AKR1C4: variants seen among roughly 807,000 people sequenced by gnomAD.
AKR1C4 encodes aldo-keto reductase family 1 member C4.
AKR1C4 carries 44 observed loss-of-function variants against 41.0 expected under a neutral mutation model. That is an observed-to-expected ratio of 1.07 (90% CI 0.84 to 1.38). AKR1C4 has a LOEUF of 1.38. AKR1C4 is among the 40% of genes most tolerant of loss of function. AKR1C4 has a pLI of 0.00. For synonymous variants in AKR1C4, 165 were observed against 137.7 expected (o/e 1.20, Z -1.39); for missense variants, 438 against 387.9 (o/e 1.13, Z -1.09).
intron 5 of AKR1C4, chr10:5,207,374 T>C: frequency 3.3e-6 from 1 of 301,726 alleles, no homozygotes; most frequent in South Asian, 3.4e-5. Context: ...AAAGTCACTT[T>C]TCACTCCTGA....
chr10:5,202,404 A>G, intron 2 of AKR1C4: 1 of 432,824 alleles, frequency 2.3e-6, no homozygotes, highest in Non-Finnish European at 4.6e-6. Flanking sequence ...AGCTTTTTGG[A>G]TGAGGCTTTG....
chr10:5,205,347 C>A (rs1554797361), intron 3 of AKR1C4, among the ~76,000 whole-genome samples: 1 of 152,170 alleles, frequency 6.6e-6, no homozygotes, highest in African/African-American at 2.4e-5. Context: ...AGTTTATGAT[C>A]CTGCTCATGG....
At chr10:5,206,023 A>C (rs1832478692) in intron 4 of AKR1C4, among the ~76,000 whole-genome samples, 189 bp downstream of exon 4, 1 of 152,210 alleles carries the variant, frequency 6.6e-6, no homozygotes. Flanking sequence ...TGAAGGAGAT[A>C]AACTGGGGAC....
chr10:5,214,604 A>AT (rs1554798302), intron 7 of AKR1C4, among the ~76,000 whole-genome samples: 3 of 152,218 alleles, frequency 2.0e-5, no homozygotes, highest in Non-Finnish European at 2.9e-5. Context: ...GTTACATAGC[A>AT]TTCTTTATTA....
rs1361108790 is a variant in AKR1C4, at chr10:5,208,801, G to A, written c.570+2404G>A. ...ATGAAAAAATTTAAAGATACCATAA[G>A]ATATTAAGTACCTGAAATTATACCT... On this transcript the variant is annotated intron_variant, in intron 5 of 8. Coordinates refer to ENST00000263126, the MANE Select transcript of AKR1C4 (RefSeq NM_001818.5). Among the ~76,000 whole-genome samples, 5 of 150,796 alleles carry A rather than the reference G, an allele frequency of 3.3e-5. No homozygotes were observed. In the South Asian group the frequency reaches 6.2e-4, roughly 19 times the overall value.
intron 1 of AKR1C4, among the ~76,000 whole-genome samples, chr10:5,198,358 T>C (rs1485984954): frequency 6.6e-6 from 1 of 152,216 alleles, no homozygotes; most frequent in African/African-American, 2.4e-5. Context: ...GGCTGGTATC[T>C]GAGAAGTTGA....
At chr10:5,207,775 A>T in intron 5 of AKR1C4, 1 of 369,140 alleles carries the variant, frequency 2.7e-6, no homozygotes, top group Non-Finnish European at 5.2e-6. Context: ...ATATATGTAG[A>T]ATAGATTTTC....
chr10:5,215,862 C>G (rs1832648701), intron 7 of AKR1C4, among the ~76,000 whole-genome samples: 1 of 152,140 alleles, frequency 6.6e-6, no homozygotes. Context: ...TCTTCTGAAC[C>G]CTCCTGACAC....
intron 5 of AKR1C4, among the ~76,000 whole-genome samples, chr10:5,210,246 T>G (rs1459391948): frequency 6.6e-6 from 1 of 152,246 alleles, no homozygotes; most frequent in Non-Finnish European, 1.5e-5. Context: ...ACATCCATGC[T>G]GATGTAAGAG....
chr10:5,203,757 T>A (rs1489472378), intron 2 of AKR1C4, among the ~76,000 whole-genome samples: 1 of 152,212 alleles, frequency 6.6e-6, no homozygotes. Flanking sequence ...CTGCCTCCAA[T>A]CCACAATCTT....
intron 7 of AKR1C4, 75 bp from the exon 8 acceptor site, chr10:5,216,636 C>A: frequency 1.9e-6 from 2 of 1,071,500 alleles, no homozygotes; most frequent in Non-Finnish European, 2.8e-6. Flanking sequence ...CTACACCCTA[C>A]TGTGTGATAT....
At chr10:5,210,585 G>C (rs1292884949) in intron 5 of AKR1C4, among the ~76,000 whole-genome samples, 10 of 145,404 alleles carry the variant, frequency 6.9e-5, no homozygotes, top group African/African-American at 2.5e-4. Context: ...CTGAAATCTA[G>C]GTGGAGGTTC....
chr10:5,206,949 G>C (rs180775409), intron 5 of AKR1C4, among the ~76,000 whole-genome samples: 1 of 152,126 alleles, frequency 6.6e-6, no homozygotes, highest in Non-Finnish European at 1.5e-5. Context: ...GTTAGGGAGA[G>C]GAAGTTACCC....
intron 5 of AKR1C4, among the ~76,000 whole-genome samples, chr10:5,211,648 C>T (rs935047537): frequency 6.6e-6 from 1 of 152,214 alleles, no homozygotes; most frequent in African/African-American, 2.4e-5. Flanking sequence ...TTCTCCTGAG[C>T]CCTCCAAACT....
chr10:5,211,371 C>A (rs1395385768), intron 5 of AKR1C4, among the ~76,000 whole-genome samples: 1 of 152,190 alleles, frequency 6.6e-6, no homozygotes, highest in Non-Finnish European at 1.5e-5. Flanking sequence ...CTTTTAACAG[C>A]ACCCAAGTCA....
At chr10:5,202,533 A>C (rs1554797019) in intron 2 of AKR1C4, 1 of 450,314 alleles carries the variant, frequency 2.2e-6, no homozygotes, top group Non-Finnish European at 4.4e-6. Flanking sequence ...TAGGACTTCC[A>C]GTACTATGTT....
Position 5,218,699 on chromosome 10 carries a change from C to A in AKR1C4, c.930-19C>A. On this transcript the variant is annotated intron_variant, in intron 8 of 8. Transcript: ENST00000263126. Reference sequence around the variant, plus strand: ...GAGTCATTTCATCCATATTTATGTACTATCCTTTCTCTTTTCAGTCTTATG... The same window carrying A: ...GAGTCATTTCATCCATATTTATGTAATATCCTTTCTCTTTTCAGTCTTATG... 6.4e-7 allele frequency: 1 copy of A among 1,566,582 alleles called. No homozygotes were observed. The highest frequency in any genetic ancestry group is 2.2e-5 in the East Asian group (1 of 44,646).
intron 5 of AKR1C4, among the ~76,000 whole-genome samples, chr10:5,211,553 C>T (rs1166436611): frequency 1.3e-5 from 2 of 152,162 alleles, no homozygotes; most frequent in Admixed American, 6.5e-5. Flanking sequence ...TCTGAGACCA[C>T]CTCAGCCTGG....
At chr10:5,211,618 CCTTCTT>C (rs1231612069) in intron 5 of AKR1C4, among the ~76,000 whole-genome samples, 2 of 152,308 alleles carry the variant, frequency 1.3e-5, no homozygotes, top group Admixed American at 1.3e-4. Flanking sequence ...AAGTTCCGGA[CCTTCTT>C]ATACTTTTCT....
Sources: gnomAD v4.1 joint callset for allele counts (sites outside exome capture counted in the v4.1 genomes callset) on GRCh38, gnomAD v4.1.1 for gene constraint, MANE v1.5 for transcripts, NCBI Gene and HGNC (gene_info 2026-07-23, HGNC 2026-07-21) for gene names.